GAB1: variants seen among roughly 807,000 people sequenced by gnomAD.
GAB1 encodes the protein GRB2 associated binding protein 1.
In GAB1, 19 loss-of-function variants were observed where a neutral mutation model predicts 66.5. The ratio of observed to expected loss-of-function variants is 0.29; its 90% CI spans 0.20 to 0.42. The LOEUF (loss-of-function observed/expected upper bound fraction) is 0.42. Ranked by LOEUF, GAB1 falls within the 10% of genes least tolerant of loss-of-function variation. The pLI, the probability that GAB1 is intolerant of heterozygous loss-of-function variation, is 1.00. For missense variants in GAB1, 732 were observed against 858.5 expected (o/e 0.85, Z 1.84); for synonymous variants, 294 against 301.4 (o/e 0.98, Z 0.25).
intron 1 of GAB1, among the ~76,000 whole-genome samples, chr4:143,410,462 T>G (rs1352732374): frequency 6.6e-6 from 1 of 152,226 alleles, no homozygotes; most frequent in East Asian, 1.9e-4. Context: ...AAAAAATGTT[T>G]CCTTCCCACC....
At chr4:143,366,739 T>TA (rs2149661741) in intron 1 of GAB1, among the ~76,000 whole-genome samples, 1 of 152,278 alleles carries the variant, frequency 6.6e-6, no homozygotes. Flanking sequence ...ATATTATTAT[T>TA]TTGAGACATG....
In GAB1 at chr4:143,359,798, T is replaced by C. The variant is rs1317628059; in HGVS notation, c.72+22538T>C. ...AGGGGTTGCCAGTGGCAAAGGGTGTTTGTTAACCCCTAAAGTGATGGTGAT... is the reference window on the plus strand; with the variant it reads ...AGGGGTTGCCAGTGGCAAAGGGTGTCTGTTAACCCCTAAAGTGATGGTGAT... On this transcript the variant is annotated intron_variant, in intron 1 of 9. Transcript: ENST00000262994. Among the ~76,000 whole-genome samples the C allele has an allele frequency of 2.6e-5, 4 of 152,352 alleles. No individual in the cohort carries two copies. The South Asian group carries it at 8.3e-4, about 32-fold the overall frequency.
At chr4:143,386,680 G>A (rs186914514) in intron 1 of GAB1, among the ~76,000 whole-genome samples, 80 of 152,236 alleles carry the variant, frequency 5.3e-4, no homozygotes, top group Middle Eastern at 3.4e-3. Context: ...GAGCCACTGC[G>A]CCTGGCCCAA....
chr4:143,459,187 T>C, intron 6 of GAB1, among the ~76,000 whole-genome samples, 198 bp from the exon 7 acceptor site: 1 of 152,134 alleles, frequency 6.6e-6, no homozygotes, highest in Non-Finnish European at 1.5e-5. Context: ...ACATCTGATT[T>C]AGCTTTTACC....
intron 1 of GAB1, among the ~76,000 whole-genome samples, chr4:143,369,635 C>T (rs1377640411): frequency 2.0e-5 from 3 of 152,174 alleles, no homozygotes; most frequent in African/African-American, 7.2e-5. Flanking sequence ...TTCCTCATAA[C>T]TGCTGTTGGT....
At chr4:143,349,002 C>T (rs17017625) in intron 1 of GAB1, among the ~76,000 whole-genome samples, 3,205 of 152,254 alleles carry the variant, frequency 0.021, 111 homozygotes, top group African/African-American at 0.074. Flanking sequence ...ACATACTGTG[C>T]TGGGAGCATC....
chr4:143,453,054 C>T (rs1040737282), intron 6 of GAB1, among the ~76,000 whole-genome samples: 5 of 151,982 alleles, frequency 3.3e-5, no homozygotes, highest in Admixed American at 2.6e-4. Context: ...CTTTTTTTCT[C>T]GTTTCTTTCC....
intron 1 of GAB1, among the ~76,000 whole-genome samples, chr4:143,364,947 G>A (rs376412373): frequency 5.0e-5 from 7 of 141,378 alleles, no homozygotes; most frequent in Admixed American, 3.1e-4. Context: ...GCGCTATCTC[G>A]GGTCACTGCA....
chr4:143,389,271 C>G (rs1255564841), intron 1 of GAB1, among the ~76,000 whole-genome samples: 2 of 152,218 alleles, frequency 1.3e-5, no homozygotes, highest in Non-Finnish European at 2.9e-5. Flanking sequence ...TAATCAAATA[C>G]TTGCGTATGC....
chr4:143,384,501 C>T (rs944610340), intron 1 of GAB1, among the ~76,000 whole-genome samples: 1 of 152,188 alleles, frequency 6.6e-6, no homozygotes, highest in African/African-American at 2.4e-5. Context: ...AGTTTCCAGG[C>T]TGTACAGGAC....
intron 2 of GAB1, among the ~76,000 whole-genome samples, chr4:143,416,688 C>T (rs1399626266): frequency 7.9e-5 from 12 of 151,920 alleles, no homozygotes; most frequent in African/African-American, 2.9e-4. Flanking sequence ...GCAGGAGAAT[C>T]GCTTGAACCC....
At chr4:143,357,942 T>C (rs1729513450) in intron 1 of GAB1, among the ~76,000 whole-genome samples, 1 of 152,038 alleles carries the variant, frequency 6.6e-6, no homozygotes, top group South Asian at 2.1e-4. Flanking sequence ...ACATGTTTTG[T>C]AAATCTCTCC....
At chr4:143,405,077 A>C (rs1252264967) in intron 1 of GAB1, among the ~76,000 whole-genome samples, 2 of 152,216 alleles carry the variant, frequency 1.3e-5, no homozygotes, top group Non-Finnish European at 2.9e-5. Context: ...TTCTTTATTT[A>C]AACAAGACGT....
rs540115845 is a variant in GAB1, at chr4:143,423,534, A to G, written c.367+7763A>G. Among the ~76,000 whole-genome samples, 88 of 151,906 alleles carry G rather than the reference A, an allele frequency of 5.8e-4. No homozygotes were observed. The East Asian group carries it at 0.015, about 26-fold the overall frequency. ...AACACAGTGAAACCCCATCTCTACT[A>G]AAAATACAAAAAAATTAGCCAGGCG... On this transcript the variant is annotated intron_variant, in intron 2 of 9. Transcript: ENST00000262994.
chr4:143,396,259 A>G (rs1039558946), intron 1 of GAB1, among the ~76,000 whole-genome samples: 2 of 152,240 alleles, frequency 1.3e-5, no homozygotes, highest in African/African-American at 4.8e-5. Flanking sequence ...ATGATAGTGT[A>G]AATGCTGTTT....
intron 1 of GAB1, among the ~76,000 whole-genome samples, chr4:143,372,610 G>T (rs1201866255): frequency 4.6e-5 from 7 of 152,200 alleles, no homozygotes; most frequent in Admixed American, 3.3e-4. Flanking sequence ...TGGCCAAAAA[G>T]CCTAAATTCA....
At chr4:143,408,849 T>TA (rs1042870742) in intron 1 of GAB1, among the ~76,000 whole-genome samples, 1 of 152,182 alleles carries the variant, frequency 6.6e-6, no homozygotes, top group Non-Finnish European at 1.5e-5. Flanking sequence ...GATTTCAAAA[T>TA]AAAAAATTCC....
intron 1 of GAB1, among the ~76,000 whole-genome samples, chr4:143,338,774 T>C (rs1277743634): frequency 6.6e-6 from 1 of 151,252 alleles, no homozygotes; most frequent in Non-Finnish European, 1.5e-5. Context: ...GAGATAAATA[T>C]ATTTGTTTTG....
chr4:143,394,598 T>A (rs1009903613), intron 1 of GAB1, among the ~76,000 whole-genome samples: 3 of 152,190 alleles, frequency 2.0e-5, no homozygotes, highest in Non-Finnish European at 4.4e-5. Flanking sequence ...GTCAAGCAAT[T>A]CTGTACCCCT....
Sources: gnomAD v4.1 joint callset for allele counts (sites outside exome capture counted in the v4.1 genomes callset) on GRCh38, gnomAD v4.1.1 for gene constraint, MANE v1.5 for transcripts, NCBI Gene and HGNC (gene_info 2026-07-23, HGNC 2026-07-21) for gene names.